The following PGM5 variants were observed in gnomAD, a reference collection of about 807,000 sequenced individuals.
PGM5 encodes phosphoglucomutase-like protein 5.
In PGM5, 23 loss-of-function variants were observed where a neutral mutation model predicts 59.2. That is an observed-to-expected ratio of 0.39 (90% CI 0.28 to 0.55). The LOEUF is 0.55. PGM5 is among the 20% of genes least tolerant of loss of function. PGM5 has a pLI of 0.66. For synonymous variants in PGM5, 214 were observed against 286.0 expected, an observed-to-expected ratio of 0.75 and a Z score of 2.54; for missense variants, 574 against 748.3, an observed-to-expected ratio of 0.77 and a Z score of 2.72.
At chr9:68,391,793 A>T in intron 5 of PGM5, 69 bp downstream of exon 5, 1 of 1,497,448 alleles carries the variant, frequency 6.7e-7, no homozygotes, top group Non-Finnish European at 9.2e-7. Context: ...GAAAGCAGAG[A>T]ATTAATGAAC....
intron 6 of PGM5, among the ~76,000 whole-genome samples, chr9:68,420,678 G>A (rs1266225999): frequency 6.6e-6 from 1 of 152,134 alleles, no homozygotes; most frequent in African/African-American, 2.4e-5. Context: ...GTACCTTAGA[G>A]CCTATAGATC....
chr9:68,446,624 T>C (rs1554684013), intron 6 of PGM5, among the ~76,000 whole-genome samples: 1 of 152,224 alleles, frequency 6.6e-6, no homozygotes, highest in Non-Finnish European at 1.5e-5. Context: ...GGGAGATAAA[T>C]TTATGAAGGA....
intron 8 of PGM5, 152 bp from the exon 9 acceptor site, chr9:68,483,713 G>A (rs990318211): frequency 4.0e-5 from 26 of 647,928 alleles, no homozygotes; most frequent in Non-Finnish European, 8.1e-6. Flanking sequence ...GGAATGGACT[G>A]TAAGGGTCAG....
At chr9:68,479,970 A>G (rs919783722) in intron 8 of PGM5, among the ~76,000 whole-genome samples, 2 of 151,970 alleles carry the variant, frequency 1.3e-5, no homozygotes, top group Admixed American at 6.6e-5. Flanking sequence ...GATCTGAGGA[A>G]CACAGAGGCT....
Position 68,415,165 on chromosome 9 carries a change from C to G in PGM5, c.1043+22692C>G, listed in dbSNP as rs1486373701. On this transcript the variant is annotated intron_variant, in intron 6 of 10. Coordinates refer to ENST00000396396, the MANE Select transcript of PGM5 (RefSeq NM_021965.4). ...GCTTCCTGTCCATTTACTTTCTGGT[C>G]ATTCAAGGCCTACCACTGTCCGGTG... Among the ~76,000 whole-genome samples, 5 of 149,222 alleles carry G rather than the reference C, an allele frequency of 3.4e-5. No individual in the cohort carries two copies. The East Asian group carries it at 9.7e-4, about 29-fold the overall frequency.
At position 68,499,276 on chromosome 9, in the gene PGM5, G is replaced by T. The variant is rs1824531038; in HGVS notation, c.1529G>T (p.Ser510Ile). ...GCATCACGGCTCATCTTCCGGCTCA[G>T]TTCCTCCAGTGGTGTGCGGGCCACC... is the stretch of plus-strand genomic sequence containing the variant. ...SDASRLIFRL[S>I]SSSGVRATLR... The change falls in exon 10 of 11, where the codon AGT (serine) becomes ATT (isoleucine). Residue 510 changes from serine (S) to isoleucine (I), a missense_variant. Physicochemically the swap from Ser to Ile is moderately radical, Grantham distance 142. Transcript: ENST00000396396. 1 of 1,614,182 alleles carries T rather than the reference G, an allele frequency of 6.2e-7. No individual in the cohort carries two copies. The highest frequency in any genetic ancestry group is 1.3e-5 in the African/African-American group (1 of 75,014).
chr9:68,472,308 A>G (rs1379887282), intron 7 of PGM5, among the ~76,000 whole-genome samples: 1 of 152,136 alleles, frequency 6.6e-6, no homozygotes, highest in Non-Finnish European at 1.5e-5. Context: ...TCTGCTGCTG[A>G]TGTTTTCAGT....
intron 6 of PGM5, among the ~76,000 whole-genome samples, chr9:68,403,957 T>G (rs1332791351): frequency 6.6e-6 from 1 of 152,202 alleles, no homozygotes; most frequent in Admixed American, 6.5e-5. Context: ...CAGGAAAATG[T>G]TGACCGTAGT....
chr9:68,422,777 G>A (rs576782714), intron 6 of PGM5, among the ~76,000 whole-genome samples: 1 of 152,308 alleles, frequency 6.6e-6, no homozygotes, highest in African/African-American at 2.4e-5. Flanking sequence ...TTGGTTACAT[G>A]AGTAAGTTCT....
intron 6 of PGM5, among the ~76,000 whole-genome samples, chr9:68,450,107 T>C (rs1823672561): frequency 6.6e-6 from 1 of 152,228 alleles, no homozygotes; most frequent in Admixed American, 6.5e-5. Context: ...TTAAACACTG[T>C]ATGATACATG....
At position 68,357,253 on chromosome 9, in the gene PGM5, C is replaced by G; in HGVS notation, c.126C>G (p.Pro42=). Residue 42 remains proline, a synonymous_variant, in exon 1 of 11, where the codon CCC becomes CCG. Transcript: ENST00000396396. ...TCGAGGGCCAGCGCAACTACCTGCC[C>G]AACTTTATCCAGAGCGTGCTGTCGT... is the stretch of plus-strand genomic sequence containing the variant. ...GLFEGQRNYL[P]NFIQSVLSSI... The G allele has an allele frequency of 6.5e-7, 1 of 1,543,766 alleles. No individual in the cohort carries two copies. Among genetic ancestry groups the G allele is most frequent in the Non-Finnish European group, 8.7e-7 (1 of 1,145,996 alleles).
At chr9:68,394,254 T>G (rs1456332123) in intron 6 of PGM5, 6 of 152,110 alleles carry the variant, frequency 3.9e-5, no homozygotes, top group Non-Finnish European at 8.8e-5. Context: ...TTTTACCTTA[T>G]GAATGAATCA....
At chr9:68,430,337 G>A (rs1035134168) in intron 6 of PGM5, among the ~76,000 whole-genome samples, 2 of 152,206 alleles carry the variant, frequency 1.3e-5, no homozygotes, top group African/African-American at 2.4e-5. Context: ...GGCCTAAACA[G>A]CTCTGGGTCT....
intron 4 of PGM5, among the ~76,000 whole-genome samples, chr9:68,388,649 C>T (rs1238215671): frequency 6.6e-6 from 1 of 151,996 alleles, no homozygotes; most frequent in Non-Finnish European, 1.5e-5. Flanking sequence ...TCTGAAAAGG[C>T]CTTTTATTCT....
intron 10 of PGM5, among the ~76,000 whole-genome samples, chr9:68,523,624 A>T (rs1181126850): frequency 6.6e-6 from 1 of 152,234 alleles, no homozygotes; most frequent in Non-Finnish European, 1.5e-5. Flanking sequence ...TCTCTATTTT[A>T]TGGATGCCAG....
intron 6 of PGM5, among the ~76,000 whole-genome samples, chr9:68,428,054 G>C (rs1020407912): frequency 6.6e-6 from 1 of 152,262 alleles, no homozygotes; most frequent in East Asian, 1.9e-4. Flanking sequence ...TCCAAATTTG[G>C]CTAAAAATTT....
At chr9:68,370,784 A>C (rs1222928791) in intron 1 of PGM5, among the ~76,000 whole-genome samples, 2 of 152,200 alleles carry the variant, frequency 1.3e-5, no homozygotes, top group Admixed American at 6.5e-5. Flanking sequence ...GATGGGAGGC[A>C]TTGGTGCCAT....
At chr9:68,423,655 G>GTCTCTCTCTCTCTC (rs111849049) in intron 6 of PGM5, among the ~76,000 whole-genome samples, 15 of 145,926 alleles carry the variant, frequency 1.0e-4, no homozygotes, top group African/African-American at 2.8e-4. Flanking sequence ...CTCTCTCTCT[G>GTCTCTCTCTCTCTC]TCTCTCTCTC....
intron 2 of PGM5, among the ~76,000 whole-genome samples, chr9:68,379,077 A>G (rs1198261133): frequency 2.6e-5 from 4 of 152,226 alleles, no homozygotes; most frequent in African/African-American, 9.6e-5. Context: ...TAAAAAAGAA[A>G]GACACATTGC....
Sources: gnomAD v4.1 joint callset for allele counts (sites outside exome capture counted in the v4.1 genomes callset) on GRCh38, gnomAD v4.1.1 for gene constraint, MANE v1.5 for transcripts, NCBI Gene and HGNC (gene_info 2026-07-23, HGNC 2026-07-21) for gene names.